Variants in IPP observed in about 807,000 individuals in gnomAD.
IPP encodes actin-binding protein IPP.
In IPP, 41 loss-of-function variants were observed where a neutral mutation model predicts 64.1. The ratio of observed to expected loss-of-function variants is 0.64; its 90% CI spans 0.50 to 0.83. The LOEUF (loss-of-function observed/expected upper bound fraction) is 0.83, where lower values mean the gene tolerates loss of function less well. Ranked by LOEUF, IPP falls within the 40% of genes least tolerant of loss-of-function variation. The pLI is 0.00. For synonymous variants in IPP, 214 were observed against 235.2 expected, an observed-to-expected ratio of 0.91 and a Z score of 0.83; for missense variants, 649 against 703.0, an observed-to-expected ratio of 0.92 and a Z score of 0.87.
At chr1:45,722,433 C>T (rs1645745887) in intron 5 of IPP, among the ~76,000 whole-genome samples, 1 of 151,886 alleles carries the variant, frequency 6.6e-6, no homozygotes, top group African/African-American at 2.4e-5. Context: ...TGCCTGTAAT[C>T]CCAGCTACTT....
intron 8 of IPP, among the ~76,000 whole-genome samples, chr1:45,705,917 T>C (rs1645506900): frequency 6.6e-6 from 1 of 152,188 alleles, no homozygotes; most frequent in Admixed American, 6.6e-5. Flanking sequence ...ACCTAGACTT[T>C]ATGCCTGGAG....
In IPP at chr1:45,726,889, A is replaced by G. The variant is rs139146565; in HGVS notation, c.1048+742T>C. On this transcript the variant is annotated intron_variant, in intron 5 of 8. Transcript: ENST00000396478. Reference sequence around the variant, plus strand: ...CCAGCACCCGCCACCATGCCCAGCTAATTTTTTTGTATTTTTTGTAGAGAC... The same window carrying G: ...CCAGCACCCGCCACCATGCCCAGCTGATTTTTTTGTATTTTTTGTAGAGAC... 5.6e-4 allele frequency among the ~76,000 whole-genome samples: 85 copies of G among 151,586 alleles called. No homozygotes were observed. In the East Asian group the frequency reaches 0.013, roughly 24 times the overall value.
intron 3 of IPP, among the ~76,000 whole-genome samples, chr1:45,740,234 A>T (rs1254806147): frequency 6.6e-6 from 1 of 152,200 alleles, no homozygotes; most frequent in African/African-American, 2.4e-5. Flanking sequence ...TTCTACACAG[A>T]CACAGCAACC....
At chr1:45,741,981 T>G (rs1646073172) in intron 2 of IPP, among the ~76,000 whole-genome samples, 1 of 152,200 alleles carries the variant, frequency 6.6e-6, no homozygotes, top group Non-Finnish European at 1.5e-5. Context: ...GTCCACAAGT[T>G]GCATGGTAAA....
chr1:45,750,050 C>CA (rs886127576), intron 1 of IPP, among the ~76,000 whole-genome samples: 77 of 145,028 alleles, frequency 5.3e-4, no homozygotes, highest in East Asian at 3.6e-3. Context: ...GAGACTGTCT[C>CA]AAAAAAAAAA....
chr1:45,728,901 G>A (rs1645868556), intron 4 of IPP, among the ~76,000 whole-genome samples: 1 of 152,024 alleles, frequency 6.6e-6, no homozygotes, highest in African/African-American at 2.4e-5. Flanking sequence ...GCCAAGGCAG[G>A]CGGATCACAA....
At chr1:45,725,240 G>A (rs1163811850) in intron 5 of IPP, among the ~76,000 whole-genome samples, 8 of 131,696 alleles carry the variant, frequency 6.1e-5, no homozygotes, top group African/African-American at 8.5e-5. Flanking sequence ...CTGGCCAGCC[G>A]CCCCGTCCGG....
chr1:45,744,733 G>A (rs919433190), intron 2 of IPP, among the ~76,000 whole-genome samples: 4 of 151,922 alleles, frequency 2.6e-5, no homozygotes, highest in Non-Finnish European at 5.9e-5. Flanking sequence ...CAGCTACTCG[G>A]GAGGCTGAGG....
intron 5 of IPP, among the ~76,000 whole-genome samples, chr1:45,725,932 C>G (rs1385163679): frequency 8.1e-6 from 1 of 123,122 alleles, no homozygotes; most frequent in African/African-American, 3.0e-5. Flanking sequence ...ATCTCAAGTA[C>G]CCAGGGACAC....
At chr1:45,734,278 G>C (rs2148575198) in intron 3 of IPP, among the ~76,000 whole-genome samples, 1 of 152,130 alleles carries the variant, frequency 6.6e-6, no homozygotes, top group African/African-American at 2.4e-5. Flanking sequence ...AATTCTACAT[G>C]AACCTTTTAG....
chr1:45,698,746 TC>T lies in IPP; in HGVS notation c.*1219del. On this transcript the variant is annotated 3_prime_UTR_variant, in exon 9 of 9. Transcript: ENST00000396478. The stretch of plus-strand genomic sequence containing the variant: ...TTTTTTTTTTTTTTTTGAGACAGGT[TC>T]TCATGCTGTCACCCAGGCCGGTGTG... 1.3e-6 allele frequency: 1 copy of T among 773,934 alleles called. No homozygotes were observed. The highest frequency in any genetic ancestry group is 1.6e-6 in the Non-Finnish European group (1 of 641,012). 47.9% of individuals were successfully genotyped at this position (773,934 alleles called of 1,614,324 possible).
rs1344710307 is a variant in IPP, at chr1:45,746,495, A to C, written c.-50-34T>G. The C allele has an allele frequency of 5.7e-6, 6 of 1,052,234 alleles. No homozygotes were observed. In the East Asian group the frequency reaches 1.4e-4, roughly 25 times the overall value. 65.2% of individuals were successfully genotyped at this position (1,052,234 alleles called of 1,614,324 possible). The stretch of plus-strand genomic sequence containing the variant: ...CAAAATACAAAGAGATCAAGCAACA[A>C]AATTTTTTTAACATGCTTTCTATTC... On this transcript the variant is annotated intron_variant, in intron 1 of 8. Coordinates refer to ENST00000396478, the MANE Select transcript of IPP (RefSeq NM_005897.3).
chr1:45,732,823 C>T (rs1203300694), intron 3 of IPP, among the ~76,000 whole-genome samples: 1 of 151,930 alleles, frequency 6.6e-6, no homozygotes, highest in Non-Finnish European at 1.5e-5. Context: ...CCCACCCCCA[C>T]GCCTGGCTAA....
chr1:45,732,361 C>CAAAAAAAAAAAAAAA (rs779442718), intron 3 of IPP, among the ~76,000 whole-genome samples: 73 of 59,660 alleles, frequency 1.2e-3, no homozygotes, highest in African/African-American at 3.0e-3. Flanking sequence ...GACTCCACCT[C>CAAAAAAAAAAAAAAA]AAAAAAAAAA....
At chr1:45,725,448 C>A (rs1645808458) in intron 5 of IPP, among the ~76,000 whole-genome samples, 1 of 146,208 alleles carries the variant, frequency 6.8e-6, no homozygotes, top group South Asian at 2.2e-4. Context: ...GCCAGCCGCC[C>A]CATCCGGGAG....
chr1:45,748,823 T>C (rs1646176349), intron 1 of IPP, among the ~76,000 whole-genome samples: 1 of 151,530 alleles, frequency 6.6e-6, no homozygotes, highest in Non-Finnish European at 1.5e-5. Flanking sequence ...ATACAAAAAA[T>C]TACCCAGTCA....
intron 5 of IPP, among the ~76,000 whole-genome samples, chr1:45,726,409 G>C (rs1645828856): frequency 6.6e-6 from 1 of 151,948 alleles, no homozygotes; most frequent in Non-Finnish European, 1.5e-5. Flanking sequence ...GGTGAGCTGA[G>C]ATCACCAGAT....
intron 8 of IPP, among the ~76,000 whole-genome samples, chr1:45,712,903 C>A (rs548836731): frequency 6.7e-6 from 1 of 149,898 alleles, no homozygotes; most frequent in Non-Finnish European, 1.5e-5. Flanking sequence ...ACACACCATC[C>A]GCCTTGGGCT....
chr1:45,741,069 T>C lies in IPP; in HGVS notation c.556A>G (p.Ile186Val), dbSNP rs1646057945. ...ATGCTAAGCTCTTCACTTCGCAAAA[T>C]TTTGATCAGCTGATCTTTCGTAAGT... ...LALTKDQLIKILRSEELSIED... is the reference protein window; with the variant it reads ...LALTKDQLIKVLRSEELSIED... The change falls in exon 3 of 9, where the codon ATT (isoleucine) becomes GTT (valine). Residue 186 changes from isoleucine (I) to valine (V), a missense_variant. Transcript: ENST00000396478. 1 of 1,614,156 alleles carries C rather than the reference T, an allele frequency of 6.2e-7. No individual in the cohort carries two copies.
Sources: gnomAD v4.1 joint callset for allele counts (sites outside exome capture counted in the v4.1 genomes callset) on GRCh38, gnomAD v4.1.1 for gene constraint, MANE v1.5 for transcripts, NCBI Gene and HGNC (gene_info 2026-07-23, HGNC 2026-07-21) for gene names.